The following STK4 variants were observed in gnomAD, a reference collection of about 807,000 sequenced individuals.
STK4 encodes serine/threonine kinase 4, also known as serine/threonine-protein kinase 4.
Under a neutral mutation model 64.9 loss-of-function variants are expected in STK4, and 30 were observed. That is an observed-to-expected ratio of 0.46 (90% CI 0.35 to 0.63). The LOEUF (loss-of-function observed/expected upper bound fraction) is 0.63. STK4 is among the 20% of genes least tolerant of loss of function. The pLI is 0.01. For synonymous variants in STK4, 177 were observed against 199.0 expected, an observed-to-expected ratio of 0.89 and a Z score of 0.93; for missense variants, 466 against 598.5, an observed-to-expected ratio of 0.78 and a Z score of 2.31.
At chr20:45,064,827 TTTATC>T (rs1192781026) in intron 10 of STK4, among the ~76,000 whole-genome samples, 1 of 152,238 alleles carries the variant, frequency 6.6e-6, no homozygotes, top group African/African-American at 2.4e-5. Flanking sequence ...GCTGAAGTGG[TTTATC>T]AGATCAAGGA....
intron 10 of STK4, among the ~76,000 whole-genome samples, chr20:45,041,306 T>TATGC (rs1210729525): frequency 6.6e-6 from 1 of 150,508 alleles, no homozygotes; most frequent in African/African-American, 2.5e-5. Context: ...AAGACACATG[T>TATGC]ATGCATGCAT....
chr20:45,060,554 C>G (rs1400602279), intron 10 of STK4, among the ~76,000 whole-genome samples: 1 of 152,158 alleles, frequency 6.6e-6, no homozygotes, highest in Non-Finnish European at 1.5e-5. Context: ...GCTTTACAGT[C>G]AGACACGCTA....
At chr20:45,006,978 G>A (rs1413264010) in intron 9 of STK4, among the ~76,000 whole-genome samples, 2 of 152,072 alleles carry the variant, frequency 1.3e-5, no homozygotes, top group African/African-American at 4.8e-5. Flanking sequence ...CAGTGCTGTG[G>A]GTTTCTTTCC....
intron 10 of STK4, among the ~76,000 whole-genome samples, chr20:45,044,976 G>A (rs1600528921): frequency 6.6e-6 from 1 of 151,902 alleles, no homozygotes; most frequent in East Asian, 1.9e-4. Flanking sequence ...AATTTTATTA[G>A]CCAAGAATTA....
rs772452293 is a variant in STK4 at position 45,025,004 on chromosome 20, A to G, written c.1179A>G (p.Pro393=). ...RRDETMQPAK[P]SFLEYFEQKE... is the part of the protein sequence containing the mutation. ...ATGAGACCATGCAGCCTGCGAAACC[A>G]TCCTTTCTTGAATATTTTGAACAAA... is the stretch of plus-strand genomic sequence containing the variant. Residue 393 remains proline, a synonymous_variant, in exon 10 of 11, where the codon CCA becomes CCG. Transcript: ENST00000372806. The G allele has an allele frequency of 6.2e-7, 1 of 1,612,932 alleles. No homozygotes were observed. Among genetic ancestry groups the G allele is most frequent in the East Asian group, 2.2e-5 (1 of 44,838 alleles).
intron 9 of STK4, among the ~76,000 whole-genome samples, chr20:45,006,427 T>C (rs1414133663): frequency 6.6e-6 from 1 of 151,998 alleles, no homozygotes; most frequent in Non-Finnish European, 1.5e-5. Flanking sequence ...TCTGTTTATC[T>C]CTTTGAACAT....
chr20:44,972,061 T>C lies in STK4; in HGVS notation c.36-17T>C. The C allele has an allele frequency of 6.2e-7, 1 of 1,609,652 alleles. No homozygotes were observed. Among genetic ancestry groups the C allele is most frequent in the Non-Finnish European group, 8.5e-7 (1 of 1,176,746 alleles). ...GCAAATAAAATGTATTTTGTGTTTA[T>C]ATTTCTTTATTCACAGGCAGCTGAA... On this transcript the variant is annotated splice_polypyrimidine_tract_variant and intron_variant, in intron 1 of 10. Transcript: ENST00000372806.
chr20:45,016,489 T>C (rs2068145190), intron 9 of STK4, among the ~76,000 whole-genome samples: 1 of 152,170 alleles, frequency 6.6e-6, no homozygotes, highest in East Asian at 1.9e-4. Flanking sequence ...CCTGCCAGAG[T>C]GGAGACTAAA....
chr20:45,040,143 C>T (rs1185570917), intron 10 of STK4, among the ~76,000 whole-genome samples: 2 of 137,182 alleles, frequency 1.5e-5, no homozygotes, highest in East Asian at 4.3e-4. Flanking sequence ...CTCTCTTTTT[C>T]CGTTGTTAGA....
At chr20:45,046,916 G>A (rs568813880) in intron 10 of STK4, among the ~76,000 whole-genome samples, 1 of 148,066 alleles carries the variant, frequency 6.8e-6, no homozygotes, top group African/African-American at 2.5e-5. Flanking sequence ...TCCTGACCTC[G>A]TGATCTGCCC....
At chr20:44,982,827 C>G (rs2067465014) in intron 4 of STK4, among the ~76,000 whole-genome samples, 2 of 149,388 alleles carry the variant, frequency 1.3e-5, no homozygotes, top group Non-Finnish European at 2.9e-5. Context: ...TGGTAGTGTA[C>G]TTCGGAATAG....
chr20:45,079,193 G>C lies in STK4; in HGVS notation c.*4017G>C, dbSNP rs1203727736. The C allele has an allele frequency of 6.6e-6, 1 of 152,062 alleles. No individual in the cohort carries two copies. Among genetic ancestry groups the C allele is most frequent in the Non-Finnish European group, 1.5e-5 (1 of 68,042 alleles). 9.4% of individuals were successfully genotyped at this position (152,062 alleles called of 1,614,324 possible). The stretch of plus-strand genomic sequence containing the variant: ...GTCTCACCACTGCACTCTAGCCTGG[G>C]TGACAGAATGAGACCCCGTCTCAAA... On this transcript the variant is annotated 3_prime_UTR_variant, in exon 11 of 11. Transcript: ENST00000372806.
chr20:45,072,701 T>G (rs1000239735), intron 10 of STK4, among the ~76,000 whole-genome samples: 39 of 152,242 alleles, frequency 2.6e-4, no homozygotes, highest in African/African-American at 9.4e-4. Flanking sequence ...GTACCAGCCC[T>G]TAGGCATTAG....
chr20:45,054,575 TTTCAAAAAAAAAAAAAAAG>T (rs1978322859), intron 10 of STK4, among the ~76,000 whole-genome samples: 1 of 148,462 alleles, frequency 6.7e-6, no homozygotes, highest in African/African-American at 2.5e-5. Context: ...TTTTTTTTTT[TTTCAAAAAAAAAAAAAAAG>T]GAAAAAGTAC....
chr20:45,001,466 C>CTTTTGT, intron 9 of STK4, 113 bp downstream of exon 9: 1 of 1,286,806 alleles, frequency 7.8e-7, no homozygotes, highest in Non-Finnish European at 1.0e-6. Flanking sequence ...TTTGTCACAA[C>CTTTTGT]CAAAGGAGTA....
intron 1 of STK4, among the ~76,000 whole-genome samples, chr20:44,970,246 GAAAA>G (rs112638314): frequency 6.8e-6 from 1 of 146,788 alleles, no homozygotes; most frequent in Non-Finnish European, 1.5e-5. Flanking sequence ...TAAAAAAAAA[GAAAA>G]AAAAAGTTTG....
intron 9 of STK4, among the ~76,000 whole-genome samples, chr20:45,020,784 G>T (rs963326365): frequency 4.6e-5 from 7 of 151,512 alleles, no homozygotes; most frequent in Admixed American, 3.3e-4. Context: ...GGCTCAATCA[G>T]GTTTATTTAT....
At chr20:45,038,680 TC>T (rs1043486029) in intron 10 of STK4, among the ~76,000 whole-genome samples, 7 of 151,992 alleles carry the variant, frequency 4.6e-5, no homozygotes, top group African/African-American at 1.4e-4. Flanking sequence ...AGAACAGAGG[TC>T]CTCAGGACCG....
chr20:45,023,923 CAG>C (rs1287742076), intron 9 of STK4, among the ~76,000 whole-genome samples: 6 of 113,260 alleles, frequency 5.3e-5, no homozygotes, highest in Non-Finnish European at 1.0e-4. Context: ...TTTTTTGAGA[CAG>C]AGTCTCGCTC....
Sources: gnomAD v4.1 joint callset for allele counts (sites outside exome capture counted in the v4.1 genomes callset) on GRCh38, gnomAD v4.1.1 for gene constraint, MANE v1.5 for transcripts, NCBI Gene and HGNC (gene_info 2026-07-23, HGNC 2026-07-21) for gene names.